The following DENND5A variants were observed in gnomAD, a reference collection of about 807,000 sequenced individuals.
DENND5A encodes the protein DENN domain containing 5A, also known as DENN domain-containing protein 5A.
DENND5A carries 64 observed loss-of-function variants against 140.3 expected under a neutral mutation model. The ratio of observed to expected loss-of-function variants is 0.46; its 90% CI spans 0.37 to 0.56. The LOEUF (loss-of-function observed/expected upper bound fraction) is 0.56, where lower values mean the gene tolerates loss of function less well. Ranked by LOEUF, DENND5A falls within the 20% of genes least tolerant of loss-of-function variation. The probability of loss-of-function intolerance (pLI) is 0.00; values close to 1 mark genes in which losing one functional copy is unlikely to be tolerated. For missense variants in DENND5A, 1,292 were observed against 1,593.8 expected (o/e 0.81, Z 3.22); for synonymous variants, 605 against 607.7 (o/e 1.00, Z 0.07).
In DENND5A at chr11:9,261,057, C is replaced by T. The variant is rs375008744; in HGVS notation, c.109+3904G>A. On this transcript the variant is annotated intron_variant, in intron 1 of 22. Transcript: ENST00000328194. The stretch of plus-strand genomic sequence containing the variant: ...TAGAGATAAGAGTCTTGCCGTGCTG[C>T]CCAGGCTGGTCTCAAACTCCTGGGC... Among the ~76,000 whole-genome samples the T allele has an allele frequency of 1.1e-4, 16 of 152,194 alleles. No homozygotes were observed. The East Asian group carries it at 2.7e-3, about 26-fold the overall frequency.
At chr11:9,251,382 G>A (rs1314670161) in intron 1 of DENND5A, among the ~76,000 whole-genome samples, 1 of 152,020 alleles carries the variant, frequency 6.6e-6, no homozygotes, top group Non-Finnish European at 1.5e-5. Flanking sequence ...TACTAACCTG[G>A]TTCTCTTTAA....
At chr11:9,147,515 G>C (rs1471580311) in intron 15 of DENND5A, among the ~76,000 whole-genome samples, 1 of 152,196 alleles carries the variant, frequency 6.6e-6, no homozygotes, top group African/African-American at 2.4e-5. Flanking sequence ...GCTAGTGTAT[G>C]GTGTGTGAGT....
chr11:9,146,837 C>A, intron 16 of DENND5A, 193 bp downstream of exon 16: 1 of 608,584 alleles, frequency 1.6e-6, no homozygotes, highest in South Asian at 2.1e-5. Context: ...CAGTTCAGAA[C>A]AAGAATGAGA....
intron 1 of DENND5A, among the ~76,000 whole-genome samples, chr11:9,257,143 G>A (rs914834369): frequency 1.3e-5 from 2 of 151,854 alleles, no homozygotes; most frequent in Non-Finnish European, 2.9e-5. Flanking sequence ...CTGAGTAGCT[G>A]GGATTATAGG....
intron 1 of DENND5A, among the ~76,000 whole-genome samples, chr11:9,225,090 A>T (rs1276846347): frequency 2.0e-5 from 3 of 152,176 alleles, no homozygotes; most frequent in African/African-American, 7.2e-5. Flanking sequence ...ACACAATTTA[A>T]AACAGGACTA....
chr11:9,146,180 A>G (rs1293176838), intron 16 of DENND5A, among the ~76,000 whole-genome samples: 1 of 152,214 alleles, frequency 6.6e-6, no homozygotes, highest in African/African-American at 2.4e-5. Context: ...ATGAACCCTA[A>G]TAACAATCAT....
At chr11:9,152,531 A>T in intron 12 of DENND5A, 89 bp from the exon 13 acceptor site, 1 of 881,262 alleles carries the variant, frequency 1.1e-6, no homozygotes. Context: ...TTGCTAAAAA[A>T]ATATATGTAC....
At chr11:9,149,323 T>C (rs1053502526) in intron 15 of DENND5A, among the ~76,000 whole-genome samples, 1 of 152,220 alleles carries the variant, frequency 6.6e-6, no homozygotes, top group Non-Finnish European at 1.5e-5. Context: ...CAGCTAAGCA[T>C]ACCTTTTATG....
At chr11:9,223,122 G>A (rs1188691275) in intron 1 of DENND5A, among the ~76,000 whole-genome samples, 2 of 152,252 alleles carry the variant, frequency 1.3e-5, no homozygotes, top group East Asian at 1.9e-4. Flanking sequence ...GGGCGCGGTG[G>A]CTCATGCCTG....
intron 1 of DENND5A, among the ~76,000 whole-genome samples, chr11:9,218,534 T>G (rs1850185181): frequency 6.6e-6 from 1 of 152,098 alleles, no homozygotes; most frequent in Admixed American, 6.6e-5. Flanking sequence ...GAGACCAGTC[T>G]GTGCAACATG....
rs747072434 is a variant in DENND5A at position 9,145,030 on chromosome 11, C to G, written c.3087G>C (p.Val1029=). The part of the protein sequence containing the change: ...GLYAKWLVEY[V]MVRNEITGHT... ...GTCCTGTGATCTCATTCCTGACCAT[C>G]ACATACTCCACCAGCCATTTGGCAT... The change falls in exon 18 of 23, where the codon GTG becomes GTC. Residue 1029 remains valine, a synonymous_variant. Transcript: ENST00000328194. 1 of 1,613,986 alleles carries G rather than the reference C, an allele frequency of 6.2e-7. No individual in the cohort carries two copies. Among genetic ancestry groups the G allele is most frequent in the African/African-American group, 1.3e-5 (1 of 74,900 alleles).
intron 1 of DENND5A, among the ~76,000 whole-genome samples, chr11:9,218,765 G>A (rs1275736872): frequency 6.6e-6 from 1 of 152,082 alleles, no homozygotes; most frequent in Non-Finnish European, 1.5e-5. Flanking sequence ...CAGCACTTCA[G>A]GAGGCTGAGA....
Position 9,142,760 on chromosome 11 carries a change from G to A in DENND5A, c.3473C>T (p.Pro1158Leu). ...AATGAAGACATTTTTGAAGAGCCGG[G>A]GCGATTTAAATCCATGCTGGAAAGC... is the stretch of plus-strand genomic sequence containing the variant. ...EQAFQHGFKSPRLFKNVFIWD... is the reference protein window; with the variant it reads ...EQAFQHGFKSLRLFKNVFIWD... The change falls in exon 21 of 23, where the codon CCC becomes CTC. Residue 1158 changes from proline to leucine, a missense_variant. Pro to Leu is a moderately conservative substitution (Grantham distance 98). Around this residue, in one of 4 missense-constraint regions of DENND5A, gnomAD observed 498 missense variants for 689.7 expected, o/e 0.72. Transcript: ENST00000328194. 6.2e-7 allele frequency: 1 copy of A among 1,614,110 alleles called. No individual in the cohort carries two copies. Among genetic ancestry groups the A allele is most frequent in the Non-Finnish European group, 8.5e-7 (1 of 1,180,014 alleles).
chr11:9,233,326 G>C (rs1296639900), intron 1 of DENND5A, among the ~76,000 whole-genome samples: 1 of 151,174 alleles, frequency 6.6e-6, no homozygotes, highest in Non-Finnish European at 1.5e-5. Flanking sequence ...TTGAACCCAG[G>C]AGGCAGAGGT....
At chr11:9,179,123 A>C (rs945211669) in intron 6 of DENND5A, 50 bp from the exon 7 acceptor site, 1 of 1,524,218 alleles carries the variant, frequency 6.6e-7, no homozygotes, top group African/African-American at 1.4e-5. Context: ...TTTCCTTTTA[A>C]CCCAAGGAAT....
intron 9 of DENND5A, chr11:9,170,270 C>T: frequency 5.1e-6 from 5 of 984,692 alleles, no homozygotes; most frequent in Non-Finnish European, 4.8e-6. Flanking sequence ...AGTAATTCTG[C>T]TAACTTACCT....
chr11:9,191,092 T>A lies in DENND5A; in HGVS notation c.1137+2402A>T, dbSNP rs1849107828. Among the ~76,000 whole-genome samples, 3 of 152,070 alleles carry A rather than the reference T, an allele frequency of 2.0e-5. No homozygotes were observed. The South Asian group carries it at 6.2e-4, about 32-fold the overall frequency. On this transcript the variant is annotated intron_variant, in intron 5 of 22. Transcript: ENST00000328194. ...AATTCTACTGTTCCACTGTCACCAC[T>A]CCTTCCCAAGCAGACTACAGGGGAG...
chr11:9,145,622 G>A lies in DENND5A; in HGVS notation c.3003+48C>T, dbSNP rs368137807. ...CTGCAGAAAACTCCCCAAAGCGGCT[G>A]TTGCAAACTCAGATCCCCACAGAGC... is the stretch of plus-strand genomic sequence containing the variant. On this transcript the variant is annotated intron_variant, in intron 17 of 22. Coordinates refer to ENST00000328194, the MANE Select transcript of DENND5A (RefSeq NM_015213.4). 3.1e-4 allele frequency: 497 copies of A among 1,607,992 alleles called. 4 individuals are homozygous for A. In the South Asian group the frequency reaches 5.2e-3, roughly 17 times the overall value.
intron 1 of DENND5A, among the ~76,000 whole-genome samples, chr11:9,233,276 G>A (rs1173000913): frequency 6.6e-6 from 1 of 151,862 alleles, no homozygotes; most frequent in Non-Finnish European, 1.5e-5. Context: ...GTGGGTGCCT[G>A]TAATCCCAGC....
Sources: gnomAD v4.1 joint callset for allele counts (sites outside exome capture counted in the v4.1 genomes callset) on GRCh38, gnomAD v4.1.1 for gene constraint, gnomAD v4.1.1 regional missense constraint, MANE v1.5 for transcripts, NCBI Gene and HGNC (gene_info 2026-07-23, HGNC 2026-07-21) for gene names.